Variants in NBAS observed in about 807,000 individuals in gnomAD.
The protein encoded by NBAS is NAG/BC035112 fusion.
NBAS carries 219 observed loss-of-function variants against 302.5 expected under a neutral mutation model. The observed-to-expected ratio is 0.72, with a 90% CI of 0.65 to 0.81. NBAS has a LOEUF of 0.81. Ranked by LOEUF, NBAS falls within the 30% of genes least tolerant of loss-of-function variation. NBAS has a pLI of 0.00. For synonymous variants in NBAS, 1,118 were observed against 1,021.6 expected (o/e 1.09, Z -1.80); for missense variants, 2,932 against 2,841.6 (o/e 1.03, Z -0.72).
At chr2:15,387,790 C>T (rs998034789) in intron 28 of NBAS, among the ~76,000 whole-genome samples, 2 of 152,110 alleles carry the variant, frequency 1.3e-5, no homozygotes, top group African/African-American at 4.8e-5. Context: ...AGCAACCACA[C>T]CCAGCTAATA....
the NBAS span, among the ~76,000 whole-genome samples, chr2:15,102,031 C>A: frequency 0.079 from 12,060 of 152,262 alleles, 757 homozygotes; most frequent in African/African-American, 0.18. Flanking sequence ...GTCCTCTCCA[C>A]AATGCTTTCT....
intron 9 of NBAS, among the ~76,000 whole-genome samples, chr2:15,529,883 T>C (rs1275732828): frequency 6.6e-6 from 1 of 152,240 alleles, no homozygotes; most frequent in African/African-American, 2.4e-5. Context: ...AATTGTAATA[T>C]GTTTATTTTA....
intron 28 of NBAS, among the ~76,000 whole-genome samples, chr2:15,385,533 A>T (rs889542179): frequency 2.0e-5 from 3 of 152,334 alleles, no homozygotes; most frequent in Non-Finnish European, 4.4e-5. Flanking sequence ...AATCAAGAGC[A>T]GAACTTGAAG....
At chr2:15,439,887 C>T (rs951009405) in intron 21 of NBAS, among the ~76,000 whole-genome samples, 1 of 152,246 alleles carries the variant, frequency 6.6e-6, no homozygotes, top group African/African-American at 2.4e-5. Flanking sequence ...CCTACGTCCA[C>T]GGAGTCTCCC....
At position 15,174,972 on chromosome 2, in the gene NBAS, T is replaced by C. The variant is rs987425500; in HGVS notation, c.6840+4016A>G. 3.9e-5 allele frequency among the ~76,000 whole-genome samples: 6 copies of C among 152,250 alleles called. No individual in the cohort carries two copies. The East Asian group carries it at 7.7e-4, about 20-fold the overall frequency. On this transcript the variant is annotated intron_variant, in intron 51 of 51. Coordinates refer to ENST00000281513, the MANE Select transcript of NBAS (RefSeq NM_015909.4). Reference sequence around the variant, plus strand: ...ACCGGAGGTCCTAAACACTTTTTATTTTTTATTTATTTATTTTTTTGAGAC... The same window carrying C: ...ACCGGAGGTCCTAAACACTTTTTATCTTTTATTTATTTATTTTTTTGAGAC...
chr2:15,313,356 T>C (rs932302624), intron 38 of NBAS, among the ~76,000 whole-genome samples: 5 of 152,238 alleles, frequency 3.3e-5, no homozygotes, highest in Admixed American at 1.3e-4. Flanking sequence ...CTTAGCTCTA[T>C]GTGTCTCAAA....
the NBAS span, among the ~76,000 whole-genome samples, chr2:15,010,248 T>C: frequency 6.6e-6 from 1 of 152,032 alleles, no homozygotes; most frequent in Non-Finnish European, 1.5e-5. Context: ...GGAAGCACAT[T>C]TTTGGACCAG....
chr2:15,162,138 C>T (rs181110351), downstream of NBAS, among the ~76,000 whole-genome samples: 69 of 151,322 alleles, frequency 4.6e-4, no homozygotes, highest in Admixed American at 1.1e-3. Context: ...GCCAGGCCAG[C>T]TCTCAAACCC....
In NBAS at chr2:15,383,249, AC is replaced by A; in HGVS notation, c.3325del (p.Val1109TyrfsTer5). On this transcript the variant is annotated frameshift_variant, in exon 29 of 52. Coordinates refer to ENST00000281513, the MANE Select transcript of NBAS (RefSeq NM_015909.4). LOFTEE classifies it high-confidence loss of function. ...GGCATCAGAATCTAGACATGTGTAT[AC>A]ATTCTGCTGCATAGTTAACATGTCT... The part of the protein sequence containing the change: ...LQDMLTMQQN[V>X]YTCLDSDACY... The A allele has an allele frequency of 6.2e-7, 1 of 1,614,056 alleles. No individual in the cohort carries two copies. The highest frequency in any genetic ancestry group is 1.3e-5 in the African/African-American group (1 of 75,036).
chr2:14,933,334 AC>A, the NBAS span, among the ~76,000 whole-genome samples: 7 of 152,224 alleles, frequency 4.6e-5, no homozygotes, highest in African/African-American at 1.7e-4. Context: ...TCTTTCACCA[AC>A]CATCTATGCT....
Position 15,530,157 on chromosome 2 carries a change from C to G in NBAS, c.746+4386G>C, listed in dbSNP as rs1663153215. On this transcript the variant is annotated intron_variant, in intron 9 of 51. Transcript: ENST00000281513. Reference sequence around the variant, plus strand: ...CTAACTCTTAAACACAGGAGCCACACATATCAAAAGGAGTAAGTTAACAGT... The same window carrying G: ...CTAACTCTTAAACACAGGAGCCACAGATATCAAAAGGAGTAAGTTAACAGT... Among the ~76,000 whole-genome samples, 4 of 152,220 alleles carry G rather than the reference C, an allele frequency of 2.6e-5. No individual in the cohort carries two copies. The South Asian group carries it at 8.3e-4, about 32-fold the overall frequency.
chr2:15,317,024 A>G (rs1405694099), intron 38 of NBAS, among the ~76,000 whole-genome samples: 4 of 152,208 alleles, frequency 2.6e-5, no homozygotes, highest in Non-Finnish European at 5.9e-5. Flanking sequence ...TGAAGCTTCT[A>G]GAGGAAGGAT....
Position 15,366,593 on chromosome 2 carries a change from C to A in NBAS, c.3804G>T (p.Leu1268=), listed in dbSNP as rs200542543. The A allele has an allele frequency of 1.2e-6, 2 of 1,614,010 alleles. No homozygotes were observed. Among genetic ancestry groups the A allele is most frequent in the East Asian group, 4.5e-5 (2 of 44,852 alleles). Residue 1268 remains leucine (L), a synonymous_variant, in exon 32 of 52, where the codon CTG becomes CTT. Coordinates refer to ENST00000281513, the MANE Select transcript of NBAS (RefSeq NM_015909.4). The part of the protein sequence containing the change: ...QSTKLLGLAE[L]LRVAGENPEE... ...CAAAAGACTTACCTGCAACCCTCAG[C>A]AGCTCAGCAAGGCCCAGAAGCTTGG...
In NBAS at chr2:15,353,657, G is replaced by C. The variant is rs1276063725; in HGVS notation, c.3985C>G (p.Gln1329Glu). 2 of 1,613,898 alleles carry C rather than the reference G, an allele frequency of 1.2e-6. No homozygotes were observed. The highest frequency in any genetic ancestry group is 1.7e-6 in the Non-Finnish European group (2 of 1,179,966). Residue 1329 changes from glutamine (Q) to glutamate (E), a missense_variant, in exon 34 of 52, where the codon CAG (glutamine) becomes GAG (glutamate). Coordinates refer to ENST00000281513, the MANE Select transcript of NBAS (RefSeq NM_015909.4). The stretch of plus-strand genomic sequence containing the variant: ...AGCTCTTGACGAGTGGCCAAGTCCT[G>C]GTAACCTTCTGATTGTCCTAACTGG... ...CSQLGQSEGYQDLATRQELMA... is the reference protein window; with the variant it reads ...CSQLGQSEGYEDLATRQELMA...
chr2:15,319,381 A>G (rs1170111528), intron 38 of NBAS, among the ~76,000 whole-genome samples: 1 of 152,204 alleles, frequency 6.6e-6, no homozygotes, highest in Non-Finnish European at 1.5e-5. Flanking sequence ...AGCAGAAGGC[A>G]AGAAATAACT....
chr2:15,544,414 G>A (rs1664006328), intron 6 of NBAS, among the ~76,000 whole-genome samples: 1 of 151,882 alleles, frequency 6.6e-6, no homozygotes, highest in Non-Finnish European at 1.5e-5. Context: ...AGGAAGGGAA[G>A]AAGGGAGGGA....
At chr2:15,151,275 A>G in the NBAS span, among the ~76,000 whole-genome samples, 1 of 152,364 alleles carries the variant, frequency 6.6e-6, no homozygotes, top group East Asian at 1.9e-4. Context: ...TCATGGTACC[A>G]TCACTCCATA....
intron 44 of NBAS, among the ~76,000 whole-genome samples, chr2:15,240,293 C>T (rs1667801754): frequency 1.3e-5 from 2 of 151,906 alleles, no homozygotes; most frequent in Non-Finnish European, 2.9e-5. Context: ...CCTACTAGCT[C>T]CCTCCAAGTC....
chr2:15,211,822 A>G (rs1666424569), intron 48 of NBAS, among the ~76,000 whole-genome samples: 3 of 152,192 alleles, frequency 2.0e-5, no homozygotes, highest in African/African-American at 7.2e-5. Flanking sequence ...CTTCCTAGGA[A>G]GTGGTCACTG....
Sources: allele counts gnomAD v4.1 joint callset (sites outside exome capture counted in the v4.1 genomes callset), GRCh38; gene constraint gnomAD v4.1.1; transcripts MANE v1.5; gene names NCBI Gene and HGNC (gene_info 2026-07-23, HGNC 2026-07-21).